The following LRMDA variants were observed in gnomAD, a reference collection of about 807,000 sequenced individuals.
LRMDA encodes the protein leucine-rich melanocyte differentiation-associated protein.
In LRMDA, 18 loss-of-function variants were observed where a neutral mutation model predicts 29.8. The observed-to-expected ratio is 0.60, with a 90% CI of 0.42 to 0.90. The LOEUF is 0.90. Among genes scored for constraint, LRMDA ranks in the 40% least tolerant of loss-of-function variants. The pLI is 0.00. For synonymous variants in LRMDA, 125 were observed against 109.4 expected (o/e 1.14, Z -0.89); for missense variants, 273 against 273.9 (o/e 1.00, Z 0.02).
At position 76,173,135 on chromosome 10, in the gene LRMDA, T is replaced by A. The variant is rs75097813; in HGVS notation, c.516+114352T>A. ...AATGCCATGTCTAGACCAAAAGCAC[T>A]CTAGGTGGAATTAGTGGAAGATTAG... On this transcript the variant is annotated intron_variant, in intron 5 of 6. Transcript: ENST00000611255. 2.6e-3 allele frequency among the ~76,000 whole-genome samples: 388 copies of A among 151,882 alleles called. 1 individual carries two copies. The highest frequency in any genetic ancestry group is 6.2e-3 in the African/African-American group (257 of 41,374).
chr10:76,066,925 G>A (rs1346487182), intron 5 of LRMDA, among the ~76,000 whole-genome samples: 1 of 152,218 alleles, frequency 6.6e-6, no homozygotes, highest in Admixed American at 6.5e-5. Context: ...CAGGTGCTTT[G>A]GTGATGTGGA....
chr10:76,359,059 A>T (rs7097021), intron 6 of LRMDA, among the ~76,000 whole-genome samples: 2 of 152,064 alleles, frequency 1.3e-5, no homozygotes, highest in African/African-American at 4.8e-5. Flanking sequence ...CCCATCCACT[A>T]GGGCTCCTGT....
intron 6 of LRMDA, among the ~76,000 whole-genome samples, chr10:76,415,727 C>T (rs1396465148): frequency 6.6e-6 from 1 of 152,184 alleles, no homozygotes; most frequent in Non-Finnish European, 1.5e-5. Context: ...CTATGGGCCC[C>T]ACCCATGCCA....
chr10:75,443,483 A>G (rs1844354090), intron 2 of LRMDA, among the ~76,000 whole-genome samples: 1 of 152,174 alleles, frequency 6.6e-6, no homozygotes, highest in Non-Finnish European at 1.5e-5. Context: ...TATATATTAT[A>G]TATCAATAAA....
intron 2 of LRMDA, among the ~76,000 whole-genome samples, chr10:75,999,344 G>T (rs559896936): frequency 2.1e-3 from 322 of 152,128 alleles, no homozygotes; most frequent in Non-Finnish European, 4.1e-3. Flanking sequence ...ATTTATTGTT[G>T]TCACAGCACC....
intron 5 of LRMDA, among the ~76,000 whole-genome samples, chr10:76,094,082 C>A (rs1849276352): frequency 6.6e-6 from 1 of 152,192 alleles, no homozygotes; most frequent in African/African-American, 2.4e-5. Flanking sequence ...AGGAGCAGCA[C>A]TGTTCAGAAT....
At chr10:76,110,695 T>C (rs1290551806) in intron 5 of LRMDA, among the ~76,000 whole-genome samples, 1 of 152,220 alleles carries the variant, frequency 6.6e-6, no homozygotes, top group African/African-American at 2.4e-5. Context: ...TTTTGCTTCC[T>C]CCTCATTTTC....
At chr10:76,352,922 T>A (rs949566618) in intron 6 of LRMDA, among the ~76,000 whole-genome samples, 3 of 152,008 alleles carry the variant, frequency 2.0e-5, no homozygotes, top group Non-Finnish European at 2.9e-5. Context: ...GTGGGCCATA[T>A]CCACTTTTGG....
At chr10:75,994,435 T>C (rs1482699204) in intron 2 of LRMDA, among the ~76,000 whole-genome samples, 4 of 152,334 alleles carry the variant, frequency 2.6e-5, no homozygotes, top group Non-Finnish European at 4.4e-5. Flanking sequence ...ACATGATCAC[T>C]GTATCACTCT....
intron 2 of LRMDA, among the ~76,000 whole-genome samples, chr10:75,773,971 A>G (rs1328456134): frequency 6.6e-6 from 1 of 152,178 alleles, no homozygotes; most frequent in African/African-American, 2.4e-5. Context: ...AGTCTGTATC[A>G]TTCTTTTAAT....
chr10:76,070,970 G>A (rs999846947), intron 5 of LRMDA, among the ~76,000 whole-genome samples: 26 of 152,294 alleles, frequency 1.7e-4, no homozygotes, highest in African/African-American at 5.3e-4. Context: ...GGAGCATGAA[G>A]GTGCAGCTGC....
At chr10:75,698,755 A>G (rs1247056600) in intron 2 of LRMDA, among the ~76,000 whole-genome samples, 1 of 152,088 alleles carries the variant, frequency 6.6e-6, no homozygotes, top group African/African-American at 2.4e-5. Flanking sequence ...TTTTTTAAAA[A>G]CCCTCAAAAA....
intron 2 of LRMDA, among the ~76,000 whole-genome samples, chr10:75,540,535 T>G (rs1262076158): frequency 1.3e-5 from 2 of 152,206 alleles, no homozygotes; most frequent in Non-Finnish European, 2.9e-5. Flanking sequence ...ACTTGGCTGG[T>G]TTCTGTAGAA....
chr10:76,429,186 C>T (rs1428412357), intron 6 of LRMDA, among the ~76,000 whole-genome samples: 8 of 152,002 alleles, frequency 5.3e-5, no homozygotes, highest in African/African-American at 9.7e-5. Context: ...AAGTTACAGC[C>T]GCCAAGCCAA....
At chr10:76,040,782 T>G (rs951316123) in intron 3 of LRMDA, among the ~76,000 whole-genome samples, 8 of 152,170 alleles carry the variant, frequency 5.3e-5, no homozygotes, top group Non-Finnish European at 1.2e-4. Flanking sequence ...TTGGGGTGTG[T>G]GGGGGGCACA....
chr10:75,533,594 A>G (rs1160065365), intron 2 of LRMDA, among the ~76,000 whole-genome samples: 1 of 152,190 alleles, frequency 6.6e-6, no homozygotes, highest in Non-Finnish European at 1.5e-5. Context: ...TTGCACATCT[A>G]TGTTTTCTTG....
intron 6 of LRMDA, among the ~76,000 whole-genome samples, chr10:76,335,320 C>T (rs977828587): frequency 5.9e-5 from 9 of 152,060 alleles, no homozygotes; most frequent in South Asian, 2.1e-4. Context: ...GGATTTATAC[C>T]GAGGATGAGA....
At chr10:76,422,598 T>C (rs1375712614) in intron 6 of LRMDA, among the ~76,000 whole-genome samples, 1 of 152,198 alleles carries the variant, frequency 6.6e-6, no homozygotes, top group African/African-American at 2.4e-5. Flanking sequence ...TCATGTCTCA[T>C]TCTAGGGTCA....
At chr10:76,255,004 A>T (rs1321879995) in intron 5 of LRMDA, among the ~76,000 whole-genome samples, 1 of 152,088 alleles carries the variant, frequency 6.6e-6, no homozygotes, top group Non-Finnish European at 1.5e-5. Context: ...AACCTTCCAG[A>T]CTTTCCCTAT....
Sources: gnomAD v4.1 joint callset for allele counts (sites outside exome capture counted in the v4.1 genomes callset) on GRCh38, gnomAD v4.1.1 for gene constraint, MANE v1.5 for transcripts, NCBI Gene and HGNC (gene_info 2026-07-23, HGNC 2026-07-21) for gene names.